The following C11orf58 variants were observed in gnomAD, a reference collection of about 807,000 sequenced individuals.
C11orf58 encodes small acidic protein.
A neutral mutation model predicts 22.7 loss-of-function variants in C11orf58; 5 were observed. The observed-to-expected ratio is 0.22, with a 90% CI of 0.12 to 0.46. The LOEUF (loss-of-function observed/expected upper bound fraction) is 0.46, where lower values mean the gene tolerates loss of function less well. Among genes scored for constraint, C11orf58 ranks in the 20% least tolerant of loss-of-function variants. The pLI is 0.99. For synonymous variants in C11orf58, 71 were observed against 70.7 expected, an observed-to-expected ratio of 1.00 and a Z score of -0.02; for missense variants, 151 against 223.3, an observed-to-expected ratio of 0.68 and a Z score of 2.06.
chr11:16,752,925 T>C (rs1848545109), intron 4 of C11orf58, 31 bp downstream of exon 4: 2 of 1,524,690 alleles, frequency 1.3e-6, no homozygotes. Flanking sequence ...ATTGGGAAGA[T>C]AATTAGTTTT....
rs1848571076 is a variant in C11orf58, at chr11:16,755,649, C to T, written c.*545C>T. 1 of 152,684 alleles carries T rather than the reference C, an allele frequency of 6.5e-6. No homozygotes were observed. The allele number at this position is 152,684 out of a possible 1,614,324, so 9.5% of individuals were successfully genotyped here. Reference sequence around the variant, plus strand: ...AACATGAGAGCAAGTACTTTTCACACTTGTTAAGATGGAGTTATAACTGTC... The same window carrying T: ...AACATGAGAGCAAGTACTTTTCACATTTGTTAAGATGGAGTTATAACTGTC... On this transcript the variant is annotated 3_prime_UTR_variant, in exon 5 of 5. Coordinates refer to ENST00000228136, the MANE Select transcript of C11orf58 (RefSeq NM_014267.6).
At chr11:16,742,855 GATTGGTTCCA>G (rs1848458653) in intron 1 of C11orf58, among the ~76,000 whole-genome samples, 1 of 152,000 alleles carries the variant, frequency 6.6e-6, no homozygotes, top group South Asian at 2.1e-4. Flanking sequence ...AAATGTGGGG[GATTGGTTCCA>G]GGACCCACCC....
rs1405909735 is a variant in C11orf58, at chr11:16,738,663, G to A, written c.-116G>A. 2 of 1,163,284 alleles carry A rather than the reference G, an allele frequency of 1.7e-6. No individual in the cohort carries two copies. Among genetic ancestry groups the A allele is most frequent in the Non-Finnish European group, 2.6e-6 (2 of 778,184 alleles). The allele number at this position is 1,163,284 out of a possible 1,614,324, so 72.1% of individuals were successfully genotyped here. A position where few individuals can be genotyped will look rare whatever the true frequency, so the allele number is the denominator to read the frequency against. ...GACTGTGGCAGAGAAGGCCCGGAGG[G>A]GCTCTGCGTTCTGTAGTGGCGCTGC... On this transcript the variant is annotated 5_prime_UTR_variant, in exon 1 of 5. Coordinates refer to ENST00000228136, the MANE Select transcript of C11orf58 (RefSeq NM_014267.6).
intron 1 of C11orf58, among the ~76,000 whole-genome samples, chr11:16,743,102 C>G (rs984467323): frequency 1.3e-5 from 2 of 152,176 alleles, no homozygotes; most frequent in African/African-American, 4.8e-5. Flanking sequence ...AATTGTCATC[C>G]TTGCTCCATA....
chr11:16,741,042 G>A (rs993857253), intron 1 of C11orf58, among the ~76,000 whole-genome samples: 3 of 150,250 alleles, frequency 2.0e-5, no homozygotes, highest in Admixed American at 1.3e-4. Flanking sequence ...CTTGCAGTGA[G>A]CCAAGATGGC....
chr11:16,749,787 G>C (rs1362810521), intron 3 of C11orf58: 2 of 152,228 alleles, frequency 1.3e-5, no homozygotes, highest in Non-Finnish European at 2.9e-5. Flanking sequence ...TTAGCAGAGA[G>C]GCTTGACTGC....
chr11:16,755,810 T>G lies in C11orf58; in HGVS notation c.*706T>G, dbSNP rs903418087. The G allele has an allele frequency of 2.6e-5, 4 of 152,644 alleles. No homozygotes were observed. The highest frequency in any genetic ancestry group is 9.7e-5 in the African/African-American group (4 of 41,448). The allele number at this position is 152,644 out of a possible 1,614,324, so 9.5% of individuals were successfully genotyped here. On this transcript the variant is annotated 3_prime_UTR_variant, in exon 5 of 5. Coordinates refer to ENST00000228136, the MANE Select transcript of C11orf58 (RefSeq NM_014267.6). ...ATTTAGTTCTGTCTATTTAGAAATA[T>G]GTAAAACTGGATTTTTTTTTAAGTA...
rs1848501504 is a variant in C11orf58, at chr11:16,748,058, G to A, written c.148-39G>A. The stretch of plus-strand genomic sequence containing the variant: ...GTAGATACCCAATAAGGTTAAATTA[G>A]TGGTCTCAAATGCTAATACATTTTC... On this transcript the variant is annotated intron_variant, in intron 2 of 4. Transcript: ENST00000228136. 2.7e-6 allele frequency: 4 copies of A among 1,486,762 alleles called. No homozygotes were observed. In the Middle Eastern group the frequency reaches 5.2e-4, roughly 194 times the overall value. The allele number at this position is 1,486,762 out of a possible 1,614,324, so 92.1% of individuals were successfully genotyped here.
intron 4 of C11orf58, chr11:16,753,825 G>A (rs1007247048): frequency 7.2e-6 from 3 of 414,334 alleles, no homozygotes; most frequent in African/African-American, 6.2e-5. Flanking sequence ...TTAGCCTCCT[G>A]AGGACCTGGG....
chr11:16,745,311 G>A lies in C11orf58; in HGVS notation c.147+627G>A, dbSNP rs528719986. Reference sequence around the variant, plus strand: ...TGACCCTTGAGCAATGTGGGGGTTAGGGGTGCTGGTTCTGCAGGCAGTCAG... The same window carrying A: ...TGACCCTTGAGCAATGTGGGGGTTAAGGGTGCTGGTTCTGCAGGCAGTCAG... On this transcript the variant is annotated intron_variant, in intron 2 of 4. Transcript: ENST00000228136. Among the ~76,000 whole-genome samples, 586 of 152,276 alleles carry A rather than the reference G, an allele frequency of 3.8e-3. 4 individuals carry two copies. Among genetic ancestry groups the A allele is most frequent in the Non-Finnish European group, 6.0e-3 (406 of 68,020 alleles).
chr11:16,739,886 C>G (rs548090787), intron 1 of C11orf58, among the ~76,000 whole-genome samples: 124 of 152,100 alleles, frequency 8.2e-4, no homozygotes, highest in Middle Eastern at 3.4e-3. Flanking sequence ...TTTTAAAAGC[C>G]CACTGAATAC....
intron 1 of C11orf58, among the ~76,000 whole-genome samples, chr11:16,740,819 C>T (rs537177170): frequency 2.7e-5 from 4 of 150,438 alleles, no homozygotes; most frequent in Admixed American, 1.3e-4. Context: ...GCAGGCCGGG[C>T]GCGGTGGCTC....
chr11:16,740,287 A>C (rs1384726983), intron 1 of C11orf58, among the ~76,000 whole-genome samples: 2 of 152,260 alleles, frequency 1.3e-5, no homozygotes, highest in Non-Finnish European at 2.9e-5. Context: ...AAATTTAACA[A>C]AGTTAAAGGG....
chr11:16,748,272 A>G, intron 3 of C11orf58, 115 bp downstream of exon 3: 1 of 883,444 alleles, frequency 1.1e-6, no homozygotes, highest in East Asian at 2.9e-5. Flanking sequence ...TTAAAATATT[A>G]TAATTAGAGC....
rs1364613211 is a variant in C11orf58, at chr11:16,757,781, G to C, written c.*2677G>C. 2.0e-5 allele frequency among the ~76,000 whole-genome samples: 3 copies of C among 152,150 alleles called. No individual in the cohort carries two copies. The highest frequency in any genetic ancestry group is 4.4e-5 in the Non-Finnish European group (3 of 68,024). On this transcript the variant is annotated 3_prime_UTR_variant, in exon 5 of 5. Transcript: ENST00000228136. Reference sequence around the variant, plus strand: ...TGTATCCATGACCTAACCGTCTATTGAAAAGAATGTTTGCAGATGCAGATT... The same window carrying C: ...TGTATCCATGACCTAACCGTCTATTCAAAAGAATGTTTGCAGATGCAGATT...
intron 3 of C11orf58, chr11:16,750,348 A>G (rs1848523303): frequency 1.3e-5 from 2 of 152,252 alleles, no homozygotes; most frequent in African/African-American, 4.8e-5. Flanking sequence ...CGCAAAGAAC[A>G]GAAGTAATTA....
At chr11:16,746,090 G>C (rs1251379040) in intron 2 of C11orf58, among the ~76,000 whole-genome samples, 5 of 152,200 alleles carry the variant, frequency 3.3e-5, no homozygotes, top group African/African-American at 7.2e-5. Flanking sequence ...CATGCACATA[G>C]TGCTGTGGAA....
Position 16,748,121 on chromosome 11 carries a change from A to G in C11orf58, c.172A>G (p.Ile58Val). 2.5e-6 allele frequency: 4 copies of G among 1,613,154 alleles called. No homozygotes were observed. The highest frequency in any genetic ancestry group is 3.4e-6 in the Non-Finnish European group (4 of 1,179,210). Residue 58 changes from isoleucine (I) to valine (V), a missense_variant, in exon 3 of 5, where the codon ATA becomes GTA. This residue lies in a region of C11orf58 where 112 missense variants were observed against 162.6 expected (regional missense o/e 0.69). Transcript: ENST00000228136. ...GAAAGAACATACTGGTCGTCTTGTT[A>G]TAGGAGATCACAAATCAACATCTCA... The part of the protein sequence containing the change: ...GKKEHTGRLV[I>V]GDHKSTSHFR...
chr11:16,738,919 G>A (rs1481907359), intron 1 of C11orf58, 78 bp downstream of exon 1: 2 of 1,535,314 alleles, frequency 1.3e-6, no homozygotes, highest in Non-Finnish European at 1.8e-6. Context: ...GGTTGGAGGA[G>A]GACGCGCCTG....
Sources: gnomAD v4.1 joint callset for allele counts (sites outside exome capture counted in the v4.1 genomes callset) on GRCh38, gnomAD v4.1.1 for gene constraint, gnomAD v4.1.1 regional missense constraint, MANE v1.5 for transcripts, NCBI Gene and HGNC (gene_info 2026-07-23, HGNC 2026-07-21) for gene names.